The following NELL1 variants were observed in gnomAD, a reference collection of about 807,000 sequenced individuals.
NELL1 encodes protein kinase C-binding protein NELL1.
A neutral mutation model predicts 107.4 loss-of-function variants in NELL1; 76 were observed. That is an observed-to-expected ratio of 0.71 (90% CI 0.59 to 0.86). The LOEUF (loss-of-function observed/expected upper bound fraction) is 0.86, where lower values mean the gene tolerates loss of function less well. Ranked by LOEUF, NELL1 falls within the 40% of genes least tolerant of loss-of-function variation. NELL1 has a pLI of 0.00. For missense variants in NELL1, 1,024 were observed against 1,005.5 expected (o/e 1.02, Z -0.25); for synonymous variants, 353 against 341.2 (o/e 1.03, Z -0.38).
intron 2 of NELL1, among the ~76,000 whole-genome samples, chr11:20,775,958 T>A (rs1258701880): frequency 6.6e-6 from 1 of 152,234 alleles, no homozygotes; most frequent in East Asian, 1.9e-4. Flanking sequence ...TCAACAGGTT[T>A]GGGTTATATT....
intron 13 of NELL1, among the ~76,000 whole-genome samples, chr11:21,169,298 G>A (rs977267290): frequency 6.6e-6 from 1 of 151,804 alleles, no homozygotes; most frequent in Non-Finnish European, 1.5e-5. Context: ...TAAGGGAGAA[G>A]TATTTCCCAT....
chr11:21,476,256 T>G (rs892561969), intron 15 of NELL1, among the ~76,000 whole-genome samples: 1 of 152,172 alleles, frequency 6.6e-6, no homozygotes, highest in Non-Finnish European at 1.5e-5. Flanking sequence ...TTTCTCATTG[T>G]CTTTCTTAAC....
chr11:21,289,280 C>T (rs529734409), intron 14 of NELL1, among the ~76,000 whole-genome samples: 5 of 152,258 alleles, frequency 3.3e-5, no homozygotes, highest in South Asian at 2.1e-4. Context: ...ATGCAGAAGG[C>T]GGGTGATTTC....
intron 15 of NELL1, among the ~76,000 whole-genome samples, chr11:21,451,697 C>T (rs574193987): frequency 1.3e-3 from 196 of 152,262 alleles, no homozygotes; most frequent in African/African-American, 4.6e-3. Flanking sequence ...GAGAGTGACA[C>T]ATATTTTGAT....
At chr11:20,762,884 C>G (rs898918790) in intron 2 of NELL1, among the ~76,000 whole-genome samples, 6 of 152,040 alleles carry the variant, frequency 3.9e-5, no homozygotes, top group African/African-American at 1.4e-4. Flanking sequence ...TAAAAGTATA[C>G]CTGCACCTAC....
intron 12 of NELL1, among the ~76,000 whole-genome samples, chr11:21,081,082 A>G (rs573898236): frequency 1.3e-5 from 2 of 152,074 alleles, no homozygotes; most frequent in South Asian, 4.1e-4. Flanking sequence ...CTTTATCCAC[A>G]TCCATTCCAT....
intron 2 of NELL1, among the ~76,000 whole-genome samples, chr11:20,706,636 G>A (rs985908333): frequency 4.0e-5 from 6 of 151,838 alleles, no homozygotes; most frequent in African/African-American, 1.5e-4. Context: ...AAACCTGCAC[G>A]TTGTGCACAT....
intron 12 of NELL1, among the ~76,000 whole-genome samples, chr11:20,995,472 G>A (rs780082459): frequency 2.0e-5 from 3 of 151,998 alleles, no homozygotes; most frequent in Admixed American, 6.6e-5. Flanking sequence ...CAGCCACTCC[G>A]GAGGCTGAGG....
chr11:21,338,037 C>A (rs1376140078), intron 14 of NELL1, among the ~76,000 whole-genome samples: 2 of 151,890 alleles, frequency 1.3e-5, no homozygotes, highest in Non-Finnish European at 2.9e-5. Context: ...CCTAGTCCTG[C>A]TATTCTGTGA....
intron 3 of NELL1, among the ~76,000 whole-genome samples, chr11:20,802,265 T>C (rs75315698): frequency 6.6e-6 from 1 of 152,124 alleles, no homozygotes; most frequent in African/African-American, 2.4e-5. Flanking sequence ...CACATTCTTT[T>C]ATCAATGTTT....
At chr11:21,054,189 C>G (rs1007628685) in intron 12 of NELL1, among the ~76,000 whole-genome samples, 15 of 151,826 alleles carry the variant, frequency 9.9e-5, no homozygotes, top group Non-Finnish European at 1.8e-4. Flanking sequence ...TTTTCTCTCT[C>G]TCTTACCCTT....
At chr11:20,746,572 AC>A (rs2133939881) in intron 2 of NELL1, among the ~76,000 whole-genome samples, 1 of 7,402 alleles carries the variant, frequency 1.4e-4, no homozygotes. Flanking sequence ...GATTTCACAC[AC>A]ACACACACAC....
chr11:21,138,127 G>A (rs917092287), intron 13 of NELL1, among the ~76,000 whole-genome samples: 19 of 152,158 alleles, frequency 1.2e-4, no homozygotes, highest in Admixed American at 9.8e-4. Context: ...CTGCAAAATG[G>A]CATTTAATTC....
intron 14 of NELL1, among the ~76,000 whole-genome samples, chr11:21,337,791 T>TCTTTCTTTCTTG (rs1555006161): frequency 2.7e-5 from 3 of 109,672 alleles, no homozygotes; most frequent in East Asian, 2.5e-4. Flanking sequence ...TTTCTTTCTT[T>TCTTTCTTTCTTG]CTTTCCTTCT....
At chr11:21,006,602 C>T (rs557024354) in intron 12 of NELL1, among the ~76,000 whole-genome samples, 9 of 152,154 alleles carry the variant, frequency 5.9e-5, no homozygotes, top group South Asian at 2.1e-4. Context: ...GTCAGTCTCT[C>T]GAATCCCTTT....
chr11:20,999,900 T>C (rs1852177843), intron 12 of NELL1, among the ~76,000 whole-genome samples: 1 of 152,184 alleles, frequency 6.6e-6, no homozygotes, highest in Non-Finnish European at 1.5e-5. Context: ...ATCTGCCACC[T>C]GCCCTGTAAA....
chr11:21,245,353 C>T (rs1487749964), intron 14 of NELL1, among the ~76,000 whole-genome samples: 1 of 152,174 alleles, frequency 6.6e-6, no homozygotes, highest in Non-Finnish European at 1.5e-5. Flanking sequence ...CTTCTGTGAA[C>T]CTGCTTCCTC....
chr11:21,330,151 A>G (rs1314851680), intron 14 of NELL1, among the ~76,000 whole-genome samples: 1 of 152,118 alleles, frequency 6.6e-6, no homozygotes, highest in Admixed American at 6.6e-5. Flanking sequence ...GCAAGTATAA[A>G]TATTTACATA....
chr11:20,962,465 C>T (rs1851309504), intron 12 of NELL1, among the ~76,000 whole-genome samples: 1 of 152,134 alleles, frequency 6.6e-6, no homozygotes, highest in African/African-American at 2.4e-5. Flanking sequence ...ACGCCACTGG[C>T]AGACCTTTTA....
Sources: gnomAD v4.1 joint callset for allele counts (sites outside exome capture counted in the v4.1 genomes callset) on GRCh38, gnomAD v4.1.1 for gene constraint, MANE v1.5 for transcripts, NCBI Gene and HGNC (gene_info 2026-07-23, HGNC 2026-07-21) for gene names.